TMEM43: variants seen among roughly 807,000 people sequenced by gnomAD.
TMEM43 encodes the protein transmembrane protein 43.
A neutral mutation model predicts 49.6 loss-of-function variants in TMEM43; 45 were observed. That is an observed-to-expected ratio of 0.91 (90% CI 0.71 to 1.16). The LOEUF is 1.16. Among genes scored for constraint, TMEM43 ranks in the 50% most tolerant of loss-of-function variants. The probability of loss-of-function intolerance (pLI) is 0.00; values close to 1 mark genes in which losing one functional copy is unlikely to be tolerated. For synonymous variants in TMEM43, 199 were observed against 207.8 expected (o/e 0.96, Z 0.36); for missense variants, 532 against 516.6 (o/e 1.03, Z -0.29).
intron 11 of TMEM43, 96 bp downstream of exon 11, chr3:14,139,393 G>A: frequency 1.1e-6 from 1 of 903,558 alleles, no homozygotes; most frequent in East Asian, 2.4e-5. Flanking sequence ...CTGATGGGAT[G>A]GCCCTTGTGC....
rs1288431779 is a variant in TMEM43 at position 14,143,283 on chromosome 3, C to T, written c.*1488C>T. ...TTGGTAGCTGAATAAGGGGTCAGAA[C>T]TTCTGAAACCAGAGATCTGTAATCA... On this transcript the variant is annotated 3_prime_UTR_variant, in exon 12 of 12. Transcript: ENST00000306077. 6.6e-6 allele frequency: 1 copy of T among 152,190 alleles called. No individual in the cohort carries two copies. The highest frequency in any genetic ancestry group is 2.4e-5 in the African/African-American group (1 of 41,448). The allele number at this position is 152,190 out of a possible 1,614,324, so 9.4% of individuals were successfully genotyped here. A position where few individuals can be genotyped will look rare whatever the true frequency, so the allele number is the denominator to read the frequency against.
intron 1 of TMEM43, among the ~76,000 whole-genome samples, chr3:14,128,014 C>T (rs1206000702): frequency 3.3e-5 from 5 of 152,150 alleles, no homozygotes; most frequent in Admixed American, 2.6e-4. Context: ...CTAGCTAACA[C>T]GTGTCCAGTG....
At position 14,141,884 on chromosome 3, in the gene TMEM43, GC is replaced by G; in HGVS notation, c.*93del. ...GACCCAGCTCCATGCCAGAGCAGGA[GC>G]CCCGGTCAATTTTGGACTCTGCACT... On this transcript the variant is annotated 3_prime_UTR_variant, in exon 12 of 12. Transcript: ENST00000306077. 5 of 1,394,562 alleles carry G rather than the reference GC, an allele frequency of 3.6e-6. No individual in the cohort carries two copies. The highest frequency in any genetic ancestry group is 4.9e-6 in the Non-Finnish European group (5 of 1,026,270). 86.4% of individuals were successfully genotyped at this position (1,394,562 alleles called of 1,614,324 possible). A position where few individuals can be genotyped will look rare whatever the true frequency, so the allele number is the denominator to read the frequency against.
At chr3:14,131,751 T>C in intron 4 of TMEM43, 77 bp downstream of exon 4, 1 of 1,064,774 alleles carries the variant, frequency 9.4e-7, no homozygotes, top group Non-Finnish European at 1.4e-6. Context: ...TGCAGATGTC[T>C]TTCATTTTGA....
chr3:14,141,626 A>C lies in TMEM43; in HGVS notation c.1034A>C (p.Asn345Thr), dbSNP rs758981622. The C allele has an allele frequency of 6.2e-7, 1 of 1,614,184 alleles. No individual in the cohort carries two copies. The highest frequency in any genetic ancestry group is 8.5e-7 in the Non-Finnish European group (1 of 1,180,028). ...DWFPVFRDLV[N>T]IGLKAFAFCV... ...TTTCCTGTTTTCCGAGACCTGGTCA[A>C]CATTGGCCTGAAAGCCTTTGCCTTC... Residue 345 changes from asparagine to threonine, a missense_variant, in exon 12 of 12, where the codon AAC becomes ACC. Physicochemically the swap from Asn to Thr is moderately conservative, Grantham distance 65 (BLOSUM62 0). Coordinates refer to ENST00000306077, the MANE Select transcript of TMEM43 (RefSeq NM_024334.3).
intron 1 of TMEM43, among the ~76,000 whole-genome samples, chr3:14,127,660 G>T (rs1382832964): frequency 6.6e-6 from 1 of 152,222 alleles, no homozygotes; most frequent in African/African-American, 2.4e-5. Flanking sequence ...GCCTGTGATA[G>T]ACCCGGTGTG....
chr3:14,132,462 G>A (rs896138468), intron 4 of TMEM43, 84 bp from the exon 5 acceptor site: 12 of 1,454,336 alleles, frequency 8.3e-6, no homozygotes, highest in African/African-American at 1.4e-5. Context: ...GTAGCCCTGA[G>A]GTTGCTTCCT....
intron 10 of TMEM43, among the ~76,000 whole-genome samples, chr3:14,138,733 T>A (rs1324059369): frequency 6.6e-6 from 1 of 152,160 alleles, no homozygotes; most frequent in Non-Finnish European, 1.5e-5. Context: ...TTGCAGCATC[T>A]AATGGACAGG....
rs535621654 is a variant in TMEM43 at position 14,125,081 on chromosome 3, A to G, written c.-113A>G. 2 of 1,409,802 alleles carry G rather than the reference A, an allele frequency of 1.4e-6. No homozygotes were observed. Among genetic ancestry groups the G allele is most frequent in the East Asian group, 4.8e-5 (2 of 41,470 alleles). 87.3% of individuals were successfully genotyped at this position (1,409,802 alleles called of 1,614,324 possible). A position where few individuals can be genotyped will look rare whatever the true frequency, so the allele number is the denominator to read the frequency against. On this transcript the variant is annotated 5_prime_UTR_variant, in exon 1 of 12. Transcript: ENST00000306077. ...TAAGTCCCGCTTGGCCCTGGAGTCC[A>G]CGCGGATTTTCGAAGCTGGGGCTGG... is the stretch of plus-strand genomic sequence containing the variant.
intron 2 of TMEM43, among the ~76,000 whole-genome samples, chr3:14,130,092 G>C (rs561600172): frequency 3.0e-3 from 316 of 105,358 alleles, no homozygotes; most frequent in African/African-American, 0.011. Context: ...TTGTTTGTTT[G>C]TTTCTTTCTT....
chr3:14,133,294 A>G (rs2607764), intron 6 of TMEM43, among the ~76,000 whole-genome samples: 3,009 of 152,312 alleles, frequency 0.02, 103 homozygotes, highest in African/African-American at 0.068. Flanking sequence ...TCAGGATTTC[A>G]GCAGAGGGAG....
chr3:14,134,138 A>T (rs1695136713), intron 7 of TMEM43, among the ~76,000 whole-genome samples: 1 of 152,196 alleles, frequency 6.6e-6, no homozygotes, highest in African/African-American at 2.4e-5. Context: ...GACTCCGGCT[A>T]GTAGTAGACA....
Position 14,139,264 on chromosome 3 carries a change from C to G in TMEM43, c.967C>G (p.Leu323Val). The change falls in exon 11 of 12, where the codon CTC (leucine) becomes GTC (valine). Residue 323 changes from leucine (L) to valine (V), a missense_variant. Physicochemically the swap from Leu to Val is conservative, Grantham distance 32. Coordinates refer to ENST00000306077, the MANE Select transcript of TMEM43 (RefSeq NM_024334.3). ...TGGCTGGATGGCCATGTTCATGGGC[C>G]TCAACCTTATGACACGGATCCTCTA... is the stretch of plus-strand genomic sequence containing the variant. ...AAGWMAMFMG[L>V]NLMTRILYTL... The G allele has an allele frequency of 6.2e-7, 1 of 1,614,126 alleles. No homozygotes were observed. The highest frequency in any genetic ancestry group is 8.5e-7 in the Non-Finnish European group (1 of 1,179,986).
Position 14,130,892 on chromosome 3 carries a change from A to G in TMEM43, c.233A>G (p.His78Arg), listed in dbSNP as rs1267490982. The change falls in exon 3 of 12, where the codon CAC becomes CGC. Residue 78 changes from histidine (H) to arginine (R), a missense_variant. By Grantham distance (29) the His-to-Arg change is conservative (BLOSUM62 0). Transcript: ENST00000306077. ...LSLVVSPDSIHSVAPENEGRL... is the reference protein window; with the variant it reads ...LSLVVSPDSIRSVAPENEGRL... ...CTTGTGGTGTCTCCCGACAGCATCC[A>G]CAGTGTGGCTCCGGAGAATGAAGGA... 1.2e-6 allele frequency: 2 copies of G among 1,613,594 alleles called. No individual in the cohort carries two copies. Among genetic ancestry groups the G allele is most frequent in the African/African-American group, 1.3e-5 (1 of 74,896 alleles).
In TMEM43 at chr3:14,134,968, G is replaced by A. The variant is rs1259558792; in HGVS notation, c.705+77G>A. ...CAGGTTCCTGCGCCAGGCAGATTCA[G>A]TTCAGTCGCATGCACAGCTGCACTT... On this transcript the variant is annotated intron_variant, in intron 8 of 11. Transcript: ENST00000306077. 2.5e-6 allele frequency: 4 copies of A among 1,604,952 alleles called. No individual in the cohort carries two copies. The African/African-American group carries it at 5.4e-5, about 22-fold the overall frequency.
intron 3 of TMEM43, 108 bp from the exon 4 acceptor site, chr3:14,131,472 C>G (rs1000047694): frequency 3.1e-5 from 28 of 889,674 alleles, no homozygotes; most frequent in Non-Finnish European, 4.6e-5. Flanking sequence ...CACCCTTGTC[C>G]CCTTCTCTAT....
In TMEM43 at chr3:14,135,801, GA is replaced by G; in HGVS notation, c.781-5del. 1 of 1,612,550 alleles carries G rather than the reference GA, an allele frequency of 6.2e-7. No individual in the cohort carries two copies. On this transcript the variant is annotated splice_polypyrimidine_tract_variant and splice_region_variant and intron_variant, in intron 9 of 11. Transcript: ENST00000306077. ...CCTCAGCTCTAACACCAGGTCCTCT[GA>G]CCAGGTCACTGTGATTGCCCGGCAG... is the stretch of plus-strand genomic sequence containing the variant.
intron 10 of TMEM43, chr3:14,137,811 T>C (rs1316587850): frequency 6.6e-6 from 1 of 152,248 alleles, no homozygotes; most frequent in Non-Finnish European, 1.5e-5. Context: ...TCATTGAGGA[T>C]TATTCATTCA....
chr3:14,139,814 CTG>C (rs1329645426), intron 11 of TMEM43, among the ~76,000 whole-genome samples: 1 of 152,202 alleles, frequency 6.6e-6, no homozygotes, highest in African/African-American at 2.4e-5. Flanking sequence ...GCCAGCAAGT[CTG>C]GAGCATGAAG....
Sources: allele counts gnomAD v4.1 joint callset (sites outside exome capture counted in the v4.1 genomes callset), GRCh38; gene constraint gnomAD v4.1.1; transcripts MANE v1.5; gene names NCBI Gene and HGNC (gene_info 2026-07-23, HGNC 2026-07-21).